The following RBFOX1 variants were observed in gnomAD, a reference collection of about 807,000 sequenced individuals.
The protein encoded by RBFOX1 is RNA binding fox-1 homolog 1.
A neutral mutation model predicts 57.7 loss-of-function variants in RBFOX1; 8 were observed. That is an observed-to-expected ratio of 0.14 (90% CI 0.08 to 0.25). The LOEUF (loss-of-function observed/expected upper bound fraction) is 0.25. RBFOX1 is among the 10% of genes least tolerant of loss of function. RBFOX1 has a pLI of 1.00. For synonymous variants in RBFOX1, 326 were observed against 222.4 expected, an observed-to-expected ratio of 1.47 and a Z score of -4.15; for missense variants, 611 against 548.5, an observed-to-expected ratio of 1.11 and a Z score of -1.14.
chr16:6,647,878 G>C (rs1373579170), intron 2 of RBFOX1, among the ~76,000 whole-genome samples: 1 of 152,126 alleles, frequency 6.6e-6, no homozygotes. Flanking sequence ...CTTGTTCTTT[G>C]TTGCCCAGTC....
At chr16:6,680,269 T>C (rs2058432943) in intron 3 of RBFOX1, among the ~76,000 whole-genome samples, 1 of 124,636 alleles carries the variant, frequency 8.0e-6, no homozygotes, top group Admixed American at 9.2e-5. Context: ...TGCTTTTCTC[T>C]CTCTCTTTTT....
At chr16:6,850,175 C>G (rs1316340271) in intron 3 of RBFOX1, among the ~76,000 whole-genome samples, 1 of 152,060 alleles carries the variant, frequency 6.6e-6, no homozygotes, top group African/African-American at 2.4e-5. Flanking sequence ...TCATTTAGTC[C>G]TTCATTCAGT....
intron 2 of RBFOX1, among the ~76,000 whole-genome samples, chr16:6,358,215 T>C (rs1436553249): frequency 6.6e-6 from 1 of 152,298 alleles, no homozygotes; most frequent in Middle Eastern, 3.4e-3. Context: ...CATGAGACTG[T>C]GTAAAAATTA....
At chr16:7,146,667 G>A (rs554076019) in intron 4 of RBFOX1, among the ~76,000 whole-genome samples, 4 of 152,152 alleles carry the variant, frequency 2.6e-5, no homozygotes, top group South Asian at 2.1e-4. Flanking sequence ...ATAACAATGC[G>A]GCTGGGTGCA....
chr16:6,644,503 C>A (rs74005613), intron 2 of RBFOX1, among the ~76,000 whole-genome samples: 17,813 of 152,178 alleles, frequency 0.12, 2,006 homozygotes, highest in African/African-American at 0.29. Flanking sequence ...GAACCTTTGA[C>A]TGTGTCTCCT....
At chr16:7,395,090 T>A (rs1298234872) in intron 4 of RBFOX1, among the ~76,000 whole-genome samples, 1 of 152,082 alleles carries the variant, frequency 6.6e-6, no homozygotes. Context: ...TCAAACCAAT[T>A]TTTTTTTCTC....
chr16:7,281,781 C>A (rs1467209831), intron 4 of RBFOX1, among the ~76,000 whole-genome samples: 2 of 152,158 alleles, frequency 1.3e-5, no homozygotes, highest in African/African-American at 2.4e-5. Context: ...AGGAGACAAT[C>A]TTGACTTCCT....
chr16:5,310,212 G>T (rs1299344842), intron 1 of RBFOX1, among the ~76,000 whole-genome samples: 1 of 152,098 alleles, frequency 6.6e-6, no homozygotes, highest in East Asian at 1.9e-4. Context: ...CAGCTGCCTG[G>T]CCAACATGGG....
At chr16:7,149,229 G>A (rs940165284) in intron 4 of RBFOX1, among the ~76,000 whole-genome samples, 2 of 152,058 alleles carry the variant, frequency 1.3e-5, no homozygotes, top group Non-Finnish European at 2.9e-5. Flanking sequence ...TGGACTTCCT[G>A]GTGCTGTTTT....
chr16:7,192,445 A>G (rs925407925), intron 4 of RBFOX1, among the ~76,000 whole-genome samples: 4 of 152,210 alleles, frequency 2.6e-5, no homozygotes, highest in African/African-American at 7.2e-5. Flanking sequence ...GGTCCCTTCA[A>G]TGGAGATTAT....
intron 3 of RBFOX1, among the ~76,000 whole-genome samples, chr16:5,751,003 C>T (rs2053178732): frequency 6.6e-6 from 1 of 152,102 alleles, no homozygotes; most frequent in South Asian, 2.1e-4. Context: ...TCTTGGAACC[C>T]ACCAATTTTT....
At chr16:6,173,248 T>C (rs2096975446) in intron 1 of RBFOX1, among the ~76,000 whole-genome samples, 1 of 152,182 alleles carries the variant, frequency 6.6e-6, no homozygotes, top group Admixed American at 6.5e-5. Flanking sequence ...TTCTGTGTAC[T>C]ATGACTGCCA....
intron 2 of RBFOX1, among the ~76,000 whole-genome samples, chr16:6,494,170 C>T (rs2095702593): frequency 6.6e-6 from 1 of 152,210 alleles, no homozygotes; most frequent in Non-Finnish European, 1.5e-5. Flanking sequence ...TGTAGTATCA[C>T]ATCGTATCGA....
chr16:6,570,431 C>G (rs923736667), intron 2 of RBFOX1, among the ~76,000 whole-genome samples: 1 of 151,998 alleles, frequency 6.6e-6, no homozygotes, highest in Admixed American at 6.6e-5. Flanking sequence ...ATTGACTCAG[C>G]TTAATACTGA....
intron 4 of RBFOX1, among the ~76,000 whole-genome samples, chr16:7,161,084 A>G (rs17670207): frequency 0.095 from 14,468 of 151,698 alleles, 1,348 homozygotes; most frequent in East Asian, 0.35. Context: ...CTTTCATCAT[A>G]TTTGCAGAGT....
intron 3 of RBFOX1, among the ~76,000 whole-genome samples, chr16:6,940,954 G>A (rs769583374): frequency 1.3e-5 from 2 of 151,674 alleles, no homozygotes; most frequent in Admixed American, 6.6e-5. Context: ...TGATCCATCC[G>A]TCTTGGCCTC....
chr16:6,880,446 C>T (rs372716078), intron 3 of RBFOX1, among the ~76,000 whole-genome samples: 1 of 152,206 alleles, frequency 6.6e-6, no homozygotes, highest in East Asian at 1.9e-4. Flanking sequence ...AGGGTTTGCT[C>T]TTCCCCTGTG....
intron 4 of RBFOX1, among the ~76,000 whole-genome samples, chr16:7,310,688 C>G (rs1430550615): frequency 1.3e-5 from 2 of 152,216 alleles, no homozygotes; most frequent in South Asian, 2.1e-4. Flanking sequence ...TAAACATAGA[C>G]TTGCCCAAAC....
intron 4 of RBFOX1, among the ~76,000 whole-genome samples, chr16:5,925,141 G>A (rs1210972290): frequency 6.6e-6 from 1 of 152,098 alleles, no homozygotes; most frequent in Non-Finnish European, 1.5e-5. Flanking sequence ...CGATGCCTCT[G>A]CAGACAAACT....
Sources: allele counts gnomAD v4.1 joint callset (sites outside exome capture counted in the v4.1 genomes callset), GRCh38; gene constraint gnomAD v4.1.1; transcripts MANE v1.5; gene names NCBI Gene and HGNC (gene_info 2026-07-23, HGNC 2026-07-21).